FAM83G: variants seen among roughly 807,000 people sequenced by gnomAD.
FAM83G encodes scaffolding CK1 anchoring protein G, also known as protein FAM83G.
In FAM83G, 38 loss-of-function variants were observed where a neutral mutation model predicts 61.5. The observed-to-expected ratio is 0.62, with a 90% confidence interval of 0.48 to 0.81. The LOEUF is 0.81. FAM83G is among the 30% of genes least tolerant of loss of function. The pLI is 0.00. For missense variants in FAM83G, 989 were observed against 1,133.6 expected (o/e 0.87, Z 1.83); for synonymous variants, 470 against 476.1 (o/e 0.99, Z 0.17).
chr17:18,969,114 C>T lies in FAM83G; in HGVS notation c.*2245G>A, dbSNP rs1221837157. On this transcript the variant is annotated 3_prime_UTR_variant, in exon 6 of 6. Coordinates refer to ENST00000388995, the MANE Select transcript of FAM83G (RefSeq NM_001039999.3). ...GCCTGGGCTGGAACTTCTACCTCTC[C>T]ACCATCCTCACGCTCGGCATCACAG... 2 of 1,614,126 alleles carry T rather than the reference C, an allele frequency of 1.2e-6. No individual in the cohort carries two copies. Among genetic ancestry groups the T allele is most frequent in the Admixed American group, 3.3e-5 (2 of 60,018 alleles).
At chr17:18,989,181 C>T (rs1458976134) in intron 2 of FAM83G, among the ~76,000 whole-genome samples, 2 of 151,308 alleles carry the variant, frequency 1.3e-5, no homozygotes, top group Non-Finnish European at 3.0e-5. Context: ...TCCCACCCTC[C>T]GAGCCTGGCA....
At chr17:18,978,911 C>T (rs368967053) in intron 4 of FAM83G, 61 bp from the exon 5 acceptor site, 16 of 1,576,452 alleles carry the variant, frequency 1.0e-5, no homozygotes, top group Middle Eastern at 1.7e-4. Flanking sequence ...GCCCAGCCCC[C>T]GTGCACCCAT....
At position 18,969,120 on chromosome 17, in the gene FAM83G, C is replaced by T. The variant is rs761569547; in HGVS notation, c.*2239G>A. 110 of 1,614,028 alleles carry T rather than the reference C, an allele frequency of 6.8e-5. No individual in the cohort carries two copies. Among genetic ancestry groups the T allele is most frequent in the Non-Finnish European group, 8.9e-5 (105 of 1,179,994 alleles). ...GCTGGAACTTCTACCTCTCCACCAT[C>T]CTCACGCTCGGCATCACAGCCCTGT... On this transcript the variant is annotated 3_prime_UTR_variant, in exon 6 of 6. Transcript: ENST00000388995.
Position 18,977,660 on chromosome 17 carries a change from G to A in FAM83G, c.2006C>T (p.Ala669Val), listed in dbSNP as rs758976292. 1 of 1,610,114 alleles carries A rather than the reference G, an allele frequency of 6.2e-7. No homozygotes were observed. The highest frequency in any genetic ancestry group is 8.5e-7 in the Non-Finnish European group (1 of 1,179,946). Residue 669 changes from alanine to valine, a missense_variant, in exon 5 of 6, where the codon GCC becomes GTC. Transcript: ENST00000388995. ...FVGPQGGSPW[A>V]QSRGREEADA... is the part of the protein sequence containing the mutation. ...TGCTTCTTCTCTTCCCCGACTCTGG[G>A]CCCATGGGGAGCCACCCTGGGGTCC...
In FAM83G at chr17:18,977,955, C is replaced by A; in HGVS notation, c.1711G>T (p.Gly571Trp). ...ACCCCATCCAGCCCATTGGGGAGCC[C>A]CACCCCGAGGCTCTCGGGGTCATCC... is the stretch of plus-strand genomic sequence containing the variant. ...TQDDPESLGV[G>W]LPNGLDGVEE... Residue 571 changes from glycine to tryptophan, a missense_variant, in exon 5 of 6, where the codon GGG becomes TGG. Gly to Trp is a radical substitution (Grantham distance 184). Coordinates refer to ENST00000388995, the MANE Select transcript of FAM83G (RefSeq NM_001039999.3). 6.2e-7 allele frequency: 1 copy of A among 1,601,584 alleles called. No individual in the cohort carries two copies. The highest frequency in any genetic ancestry group is 8.5e-7 in the Non-Finnish European group (1 of 1,173,610).
Position 18,991,326 on chromosome 17 carries a change from C to T in FAM83G, c.523-2912G>A, listed in dbSNP as rs370637187. 1.9e-3 allele frequency among the ~76,000 whole-genome samples: 283 copies of T among 152,182 alleles called. 7 individuals carry two copies. The South Asian group carries it at 0.055, about 30-fold the overall frequency. The stretch of plus-strand genomic sequence containing the variant: ...ATCAGGGCATCTGGGACCACAGCCC[C>T]TCCTGGGCCCTTGGCTTCCCCATCT... On this transcript the variant is annotated intron_variant, in intron 2 of 5. Transcript: ENST00000388995.
chr17:18,983,824 G>T (rs527516807), intron 3 of FAM83G, among the ~76,000 whole-genome samples: 1 of 152,180 alleles, frequency 6.6e-6, no homozygotes, highest in Admixed American at 6.5e-5. Context: ...TAGGGGCAGG[G>T]CCAGCCTAGC....
At chr17:18,979,708 T>G (rs758662582) in intron 3 of FAM83G, 35 bp from the exon 4 acceptor site, 26 of 1,610,896 alleles carry the variant, frequency 1.6e-5, no homozygotes, top group Non-Finnish European at 2.1e-5. Flanking sequence ...ATTACACGAC[T>G]GCAACCCTGA....
Position 18,996,108 on chromosome 17 carries a change from A to C in FAM83G, c.522+7412T>G, listed in dbSNP as rs1422227807. On this transcript the variant is annotated intron_variant, in intron 2 of 5. Coordinates refer to ENST00000388995, the MANE Select transcript of FAM83G (RefSeq NM_001039999.3). This position sits in a 1 kb window ranked among gnomAD's most constrained non-coding sequence, Gnocchi z 4.4. ...CAGAATCACTGCAAGCCACAAGACAACAGGCAATATCTTTAAAGTACTAAA... is the reference window on the plus strand; with the variant it reads ...CAGAATCACTGCAAGCCACAAGACACCAGGCAATATCTTTAAAGTACTAAA... Among the ~76,000 whole-genome samples the C allele has an allele frequency of 6.6e-6, 1 of 151,738 alleles. No individual in the cohort carries two copies. The highest frequency in any genetic ancestry group is 1.5e-5 in the Non-Finnish European group (1 of 67,998).
Position 18,978,826 on chromosome 17 carries a change from C to T in FAM83G, c.840G>A (p.Thr280=), listed in dbSNP as rs1234232137. Residue 280 remains threonine, a synonymous_variant, in exon 5 of 6, where the codon ACG becomes ACA. Transcript: ENST00000388995. ...ACAGCACAGAGATCACATTCCGGTC[C>T]GTCCGCGCGGCCGACCACGTGAAGC... ...SYSFTWSAAR[T]DRNVISVLSG... is the part of the protein sequence containing the mutation. 7.4e-6 allele frequency: 12 copies of T among 1,612,368 alleles called. No homozygotes were observed. The highest frequency in any genetic ancestry group is 3.3e-5 in the Admixed American group (2 of 59,994).
upstream of FAM83G, among the ~76,000 whole-genome samples, chr17:19,005,382 G>T (rs1022783249): frequency 2.7e-5 from 4 of 149,850 alleles, no homozygotes; most frequent in Admixed American, 2.7e-4. Context: ...TCTGCTGAGC[G>T]TCCCCTGGGG....
At chr17:18,976,879 C>A in intron 5 of FAM83G, 3 of 1,613,618 alleles carry the variant, frequency 1.9e-6, no homozygotes, top group Non-Finnish European at 2.5e-6. Context: ...TCACTGTCAG[C>A]CCGGGACCTG....
intron 2 of FAM83G, among the ~76,000 whole-genome samples, chr17:18,999,834 G>A (rs2152140163): frequency 6.6e-6 from 1 of 152,336 alleles, no homozygotes; most frequent in East Asian, 1.9e-4. Context: ...CGCCTCACCT[G>A]CCCTCAGTTT....
chr17:19,002,467 G>A (rs1447287166), intron 2 of FAM83G, among the ~76,000 whole-genome samples: 2 of 152,170 alleles, frequency 1.3e-5, no homozygotes, highest in East Asian at 1.9e-4. Flanking sequence ...GATGGTCCCC[G>A]AAGCCAGCAT....
rs2043692123 is a variant in FAM83G at position 19,000,124 on chromosome 17, C to T, written c.522+3396G>A. On this transcript the variant is annotated intron_variant, in intron 2 of 5. Transcript: ENST00000388995. The surrounding 1 kb of genome is among the most constrained non-coding windows in gnomAD (Gnocchi z 5.2). ...CCCGTCCTCTGGTATGTAGTTGGAA[C>T]CCCACAGCAGGTTTTTTCCCAGATA... Among the ~76,000 whole-genome samples, 1 of 152,222 alleles carries T rather than the reference C, an allele frequency of 6.6e-6. No individual in the cohort carries two copies. Among genetic ancestry groups the T allele is most frequent in the Non-Finnish European group, 1.5e-5 (1 of 68,036 alleles).
chr17:18,977,070 G>T, intron 5 of FAM83G: 6 of 1,574,290 alleles, frequency 3.8e-6, no homozygotes, highest in Non-Finnish European at 5.2e-6. Context: ...GTCACCAGAA[G>T]AAGAGGCAAA....
In FAM83G at chr17:18,977,682, G is replaced by T; in HGVS notation, c.1984C>A (p.Pro662Thr). The T allele has an allele frequency of 6.2e-7, 1 of 1,610,566 alleles. No individual in the cohort carries two copies. The change falls in exon 5 of 6, where the codon CCC becomes ACC. Residue 662 changes from proline to threonine, a missense_variant. By Grantham distance (38) the Pro-to-Thr change is conservative. Coordinates refer to ENST00000388995, the MANE Select transcript of FAM83G (RefSeq NM_001039999.3). ...PHITRGTFVG[P>T]QGGSPWAQSR... ...TGGGCCCATGGGGAGCCACCCTGGGGTCCAACAAAGGTCCCTCGGGTTATA... is the reference window on the plus strand; with the variant it reads ...TGGGCCCATGGGGAGCCACCCTGGGTTCCAACAAAGGTCCCTCGGGTTATA...
intron 4 of FAM83G, chr17:18,979,200 C>A: frequency 2.1e-6 from 1 of 468,100 alleles, no homozygotes; most frequent in South Asian, 2.5e-5. Context: ...CCCCATGTAA[C>A]CATGGGCAGC....
chr17:18,969,480 C>A lies in FAM83G; in HGVS notation c.*1879G>T. On this transcript the variant is annotated 3_prime_UTR_variant, in exon 6 of 6. Transcript: ENST00000388995. ...GTCCCCACAGCGAGCCCTTTGGAGT[C>A]TGGCACTGCCCGGCACTGTGCAGGA... The A allele has an allele frequency of 6.7e-7, 1 of 1,493,946 alleles. No individual in the cohort carries two copies. 92.5% of individuals were successfully genotyped at this position (1,493,946 alleles called of 1,614,324 possible).
Sources: allele counts gnomAD v4.1 joint callset (sites outside exome capture counted in the v4.1 genomes callset), GRCh38; gene constraint gnomAD v4.1.1; non-coding constraint Gnocchi (gnomAD v3.1); transcripts MANE v1.5; gene names NCBI Gene and HGNC (gene_info 2026-07-23, HGNC 2026-07-21).